The following HYDIN variants were observed in gnomAD, a reference collection of about 807,000 sequenced individuals.
The protein encoded by HYDIN is axonemal central pair apparatus protein HYDIN.
Under a neutral mutation model 403.9 loss-of-function variants are expected in HYDIN, and 132 were observed. That is an observed-to-expected ratio of 0.33 (90% CI 0.28 to 0.38). The LOEUF (loss-of-function observed/expected upper bound fraction) is 0.38. HYDIN is among the 10% of genes least tolerant of loss of function. The pLI, the probability that HYDIN is intolerant of heterozygous loss-of-function variation, is 1.00. For missense variants in HYDIN, 2,827 were observed against 5,009.5 expected (o/e 0.56, Z 13.15); for synonymous variants, 1,202 against 1,891.7 (o/e 0.64, Z 9.46).
intron 1 of HYDIN, among the ~76,000 whole-genome samples, chr16:71,224,808 G>A (rs1273620317): frequency 4.6e-5 from 7 of 151,878 alleles, no homozygotes; most frequent in East Asian, 1.9e-4. Flanking sequence ...TGATCCGCCC[G>A]CCTCGGCCTC....
chr16:71,199,142 T>C (rs1178244307), intron 1 of HYDIN, among the ~76,000 whole-genome samples: 1 of 152,234 alleles, frequency 6.6e-6, no homozygotes, highest in Non-Finnish European at 1.5e-5. Flanking sequence ...GTGAAAAGCC[T>C]TGTGAAGTGT....
chr16:70,812,614 T>C (rs970328942), intron 84 of HYDIN, among the ~76,000 whole-genome samples: 2 of 152,238 alleles, frequency 1.3e-5, no homozygotes, highest in Non-Finnish European at 2.9e-5. Context: ...CTATTTGTAA[T>C]AGCATCAAAA....
intron 47 of HYDIN, among the ~76,000 whole-genome samples, chr16:70,916,466 C>T (rs1429794193): frequency 6.6e-6 from 1 of 152,122 alleles, no homozygotes; most frequent in Non-Finnish European, 1.5e-5. Flanking sequence ...TTTCCCACTT[C>T]TGCAGTTTGG....
At chr16:70,904,561 C>T (rs1304385135) in intron 50 of HYDIN, among the ~76,000 whole-genome samples, 2 of 72,666 alleles carry the variant, frequency 2.8e-5, no homozygotes, top group Non-Finnish European at 2.5e-5. Context: ...AGTGCAGTGG[C>T]GCAATCTCAG....
intron 40 of HYDIN, among the ~76,000 whole-genome samples, chr16:70,954,580 G>A (rs2795655): frequency 0.042 from 6,345 of 151,012 alleles, 182 homozygotes; most frequent in Middle Eastern, 0.1. Context: ...ACATGACATC[G>A]CTCTCTCCTG....
intron 3 of HYDIN, 57 bp from the exon 4 acceptor site, chr16:71,179,104 G>A: frequency 2.1e-6 from 3 of 1,445,150 alleles, no homozygotes; most frequent in Non-Finnish European, 2.9e-6. Flanking sequence ...AATGACTGGG[G>A]AAGATAAGAA....
intron 8 of HYDIN, among the ~76,000 whole-genome samples, chr16:71,130,494 T>G (rs982812568): frequency 2.1e-5 from 3 of 143,716 alleles, no homozygotes; most frequent in East Asian, 2.1e-4. Context: ...TTTTTTTTTT[T>G]TTTTGAGACG....
At chr16:71,134,430 T>G (rs532081818) in intron 8 of HYDIN, among the ~76,000 whole-genome samples, 132 of 152,132 alleles carry the variant, frequency 8.7e-4, no homozygotes, top group African/African-American at 3.1e-3. Context: ...GAGTGAGACA[T>G]CAAGAGAATA....
intron 5 of HYDIN, among the ~76,000 whole-genome samples, chr16:71,173,634 AT>A (rs1314590079): frequency 6.6e-6 from 1 of 152,134 alleles, no homozygotes; most frequent in Non-Finnish European, 1.5e-5. Context: ...ACATTCTATC[AT>A]TCTGGTTCCC....
chr16:70,912,836 A>C (rs372677215), intron 47 of HYDIN, among the ~76,000 whole-genome samples: 8,084 of 143,892 alleles, frequency 0.056, 338 homozygotes, highest in Non-Finnish European at 0.075. Context: ...CAGGGTATCT[A>C]GTTCTTCCTG....
At chr16:71,087,865 G>A (rs1426812524) in intron 12 of HYDIN, 1 of 154,586 alleles carries the variant, frequency 6.5e-6, no homozygotes, top group Non-Finnish European at 1.4e-5. Flanking sequence ...TGTTTACAAT[G>A]CTTGGAGACA....
chr16:70,850,254 C>A (rs1597118338), intron 74 of HYDIN, among the ~76,000 whole-genome samples, 194 bp downstream of exon 74: 3 of 137,872 alleles, frequency 2.2e-5, no homozygotes, highest in South Asian at 2.1e-4. Context: ...CCACCCCCCC[C>A]TGAAAATAAA....
At position 71,230,629 on chromosome 16, in the gene HYDIN, C is replaced by T. The variant is rs1373540970; in HGVS notation, c.-91G>A. ...CCGCCAAGACCCCGCGTCCAACTCA[C>T]AGACCCCGCCGCCGCTGAGGGGCTC... On this transcript the variant is annotated 5_prime_UTR_variant, in exon 1 of 86. It adds an upstream start codon to the 5' untranslated region. Transcript: ENST00000393567. 1.8e-5 allele frequency: 27 copies of T among 1,535,990 alleles called. No homozygotes were observed. The highest frequency in any genetic ancestry group is 2.3e-5 in the Non-Finnish European group (26 of 1,146,902).
At chr16:71,019,898 A>G (rs549590309) in intron 22 of HYDIN, among the ~76,000 whole-genome samples, 3,190 of 152,174 alleles carry the variant, frequency 0.021, 7 homozygotes, top group African/African-American at 0.072. Context: ...AGGGATATTA[A>G]TTCCTAAGAT....
At chr16:70,876,940 T>A (rs969393840) in intron 62 of HYDIN, among the ~76,000 whole-genome samples, 2 of 145,098 alleles carry the variant, frequency 1.4e-5, no homozygotes, top group Non-Finnish European at 3.0e-5. Context: ...ATGATTACTG[T>A]GTTCAAGAAA....
intron 4 of HYDIN, among the ~76,000 whole-genome samples, chr16:71,177,175 A>G (rs2086703543): frequency 6.6e-6 from 1 of 152,200 alleles, no homozygotes; most frequent in South Asian, 2.1e-4. Context: ...TGTCTGGCAG[A>G]CAAAACTCAC....
At chr16:70,921,791 G>A (rs1410507190) in intron 45 of HYDIN, among the ~76,000 whole-genome samples, 4 of 152,214 alleles carry the variant, frequency 2.6e-5, no homozygotes, top group Non-Finnish European at 4.4e-5. Context: ...TGTATACAAT[G>A]GATATTGATG....
Position 70,807,602 on chromosome 16 carries a change from T to C in HYDIN, c.15344A>G (p.Tyr5115Cys), listed in dbSNP as rs1335209050. Residue 5115 changes from tyrosine (Y) to cysteine (C), a missense_variant, in exon 86 of 86, where the codon TAT (tyrosine) becomes TGT (cysteine). Tyr to Cys is a radical substitution (Grantham distance 194, BLOSUM62 -2). Coordinates refer to ENST00000393567, the MANE Select transcript of HYDIN (RefSeq NM_001270974.2). ...CCACTAAAGGGTGATCCCCTTCAGA[T>C]AATAAACCCATTTAACTCCAGTCTC... ...GSETGVKWVY[Y>C]LKGITL 6.2e-7 allele frequency: 1 copy of C among 1,613,266 alleles called. No homozygotes were observed.
At chr16:70,850,694 C>G (rs1209940628) in intron 73 of HYDIN, 39 bp from the exon 74 acceptor site, 4 of 1,352,524 alleles carry the variant, frequency 3.0e-6, no homozygotes, top group African/African-American at 1.5e-5. Context: ...CTGACTAGGC[C>G]AACTTGTCAA....
Sources: gnomAD v4.1 joint callset for allele counts (sites outside exome capture counted in the v4.1 genomes callset) on GRCh38, gnomAD v4.1.1 for gene constraint, MANE v1.5 for transcripts, NCBI Gene and HGNC (gene_info 2026-07-23, HGNC 2026-07-21) for gene names.